Variants in MYO5A observed in about 807,000 individuals in gnomAD.
The protein encoded by MYO5A is unconventional myosin-Va.
MYO5A carries 98 observed loss-of-function variants against 249.7 expected under a neutral mutation model. The ratio of observed to expected loss-of-function variants is 0.39; its 90% CI spans 0.33 to 0.46. The LOEUF (loss-of-function observed/expected upper bound fraction) is 0.46, where lower values mean the gene tolerates loss of function less well. MYO5A is among the 20% of genes least tolerant of loss of function. The probability of loss-of-function intolerance (pLI) is 0.98; values close to 1 mark genes in which losing one functional copy is unlikely to be tolerated. For missense variants in MYO5A, 1,696 were observed against 2,308.8 expected (o/e 0.73, Z 5.44); for synonymous variants, 778 against 810.6 (o/e 0.96, Z 0.68).
At position 52,328,689 on chromosome 15, in the gene MYO5A, G is replaced by C. The variant is rs146436360; in HGVS notation, c.4556-683C>G. 2.0e-5 allele frequency among the ~76,000 whole-genome samples: 3 copies of C among 152,218 alleles called. No individual in the cohort carries two copies. In the East Asian group the frequency reaches 5.8e-4, roughly 29 times the overall value. ...ATGTTGGTCAGATCATGTCACTCTC[G>C]TTCTGAGAATCCTCCAAGCAGCTTC... On this transcript the variant is annotated intron_variant, in intron 35 of 41. Coordinates refer to ENST00000399233, the MANE Select transcript of MYO5A (RefSeq NM_001382347.1).
intron 6 of MYO5A, among the ~76,000 whole-genome samples, 168 bp from the exon 7 acceptor site, chr15:52,408,308 C>A (rs977992182): frequency 4.6e-5 from 7 of 152,074 alleles, no homozygotes; most frequent in Non-Finnish European, 1.0e-4. Flanking sequence ...GATTTATAGT[C>A]TATATGCATA....
chr15:52,492,108 A>G (rs1022493400), intron 1 of MYO5A, among the ~76,000 whole-genome samples: 7 of 152,282 alleles, frequency 4.6e-5, no homozygotes, highest in African/African-American at 1.2e-4. Context: ...AGGTGTCACA[A>G]TGGTTTTGTG....
At chr15:52,393,065 C>A (rs1230969540) in intron 11 of MYO5A, among the ~76,000 whole-genome samples, 3 of 152,146 alleles carry the variant, frequency 2.0e-5, no homozygotes, top group African/African-American at 7.2e-5. Context: ...GGGTGCTGCC[C>A]AGCCACTGCC....
At chr15:52,466,548 G>C (rs1049708483) in intron 1 of MYO5A, among the ~76,000 whole-genome samples, 27 of 152,236 alleles carry the variant, frequency 1.8e-4, no homozygotes, top group Admixed American at 5.2e-4. Context: ...TGGGGTGTAA[G>C]AGGGAAGCAG....
chr15:52,442,453 C>G (rs569701231), intron 1 of MYO5A, among the ~76,000 whole-genome samples: 1 of 152,154 alleles, frequency 6.6e-6, no homozygotes, highest in Non-Finnish European at 1.5e-5. Flanking sequence ...CTCACTGCAG[C>G]GTCACAGAAA....
intron 1 of MYO5A, among the ~76,000 whole-genome samples, chr15:52,528,212 T>C (rs1302003145): frequency 6.6e-6 from 1 of 152,198 alleles, no homozygotes; most frequent in Non-Finnish European, 1.5e-5. Context: ...CAGCTCGCGT[T>C]CATCCGGCAG....
In MYO5A at chr15:52,408,149, T is replaced by A. The variant is rs761990887; in HGVS notation, c.757-9A>T. On this transcript the variant is annotated splice_polypyrimidine_tract_variant and intron_variant, in intron 6 of 41. Coordinates refer to ENST00000399233, the MANE Select transcript of MYO5A (RefSeq NM_001382347.1). ...TTTCTCTCCTCTTCTGCCTTCGAAA[T>A]AAGAAGAGTTTTCAATTACAGCATT... 2 of 1,541,998 alleles carry A rather than the reference T, an allele frequency of 1.3e-6. No homozygotes were observed. Among genetic ancestry groups the A allele is most frequent in the Non-Finnish European group, 1.8e-6 (2 of 1,116,818 alleles).
chr15:52,400,813 CT>C (rs2042718273), intron 9 of MYO5A, among the ~76,000 whole-genome samples: 1 of 152,174 alleles, frequency 6.6e-6, no homozygotes, highest in Non-Finnish European at 1.5e-5. Context: ...GGTTTCTTGA[CT>C]GTAATGATAA....
In MYO5A at chr15:52,317,089, C is replaced by T; in HGVS notation, c.5368G>A (p.Glu1790Lys). 1.2e-6 allele frequency: 2 copies of T among 1,614,136 alleles called. No individual in the cohort carries two copies. The highest frequency in any genetic ancestry group is 2.2e-5 in the South Asian group (2 of 91,082). Residue 1790 changes from glutamate to lysine, a missense_variant, in exon 40 of 42, where the codon GAA becomes AAA. Coordinates refer to ENST00000399233, the MANE Select transcript of MYO5A (RefSeq NM_001382347.1). ...QVKKKTDDDA[E>K]AICSMCNALT... ...GCATTGCACATAGAACAAATGGCTT[C>T]TGCATCATCATCTGTTTTCTTTTTC... is the stretch of plus-strand genomic sequence containing the variant.
chr15:52,424,567 T>A (rs1276118205), intron 4 of MYO5A, among the ~76,000 whole-genome samples: 1 of 152,204 alleles, frequency 6.6e-6, no homozygotes, highest in Non-Finnish European at 1.5e-5. Context: ...AAGGGCATAA[T>A]GATTTCTAGG....
chr15:52,349,352 T>C (rs898677300), intron 28 of MYO5A, among the ~76,000 whole-genome samples: 1 of 152,104 alleles, frequency 6.6e-6, no homozygotes, highest in Non-Finnish European at 1.5e-5. Flanking sequence ...GACTAGAAAC[T>C]GAGTGAGACA....
At chr15:52,388,577 C>A (rs1669870) in intron 13 of MYO5A, among the ~76,000 whole-genome samples, 129,164 of 152,140 alleles carry the variant, frequency 0.85, 58,531 homozygotes, top group Non-Finnish European at 0.99. Flanking sequence ...CTAAAGGAGA[C>A]CCTGTGAAAC....
intron 1 of MYO5A, among the ~76,000 whole-genome samples, chr15:52,434,880 C>T (rs1337831499): frequency 6.6e-6 from 1 of 152,210 alleles, no homozygotes; most frequent in Non-Finnish European, 1.5e-5. Context: ...AGACTGAACC[C>T]GGTCTCTGGC....
rs375368045 is a variant in MYO5A at position 52,443,439 on chromosome 15, A to G, written c.28-10154T>C. 5.3e-5 allele frequency among the ~76,000 whole-genome samples: 8 copies of G among 152,274 alleles called. No homozygotes were observed. In the East Asian group the frequency reaches 1.4e-3, roughly 26 times the overall value. ...TTACCTTGCATATACTGTGAAATGT[A>G]CCTGGTTTAAAAGTAAATCACGCTT... is the stretch of plus-strand genomic sequence containing the variant. On this transcript the variant is annotated intron_variant, in intron 1 of 41. Coordinates refer to ENST00000399233, the MANE Select transcript of MYO5A (RefSeq NM_001382347.1).
chr15:52,458,201 G>C (rs1373876264), intron 1 of MYO5A, among the ~76,000 whole-genome samples: 1 of 152,148 alleles, frequency 6.6e-6, no homozygotes, highest in Non-Finnish European at 1.5e-5. Context: ...ACAATAATAG[G>C]GTGACTATAG....
chr15:52,387,580 G>A (rs571697247), intron 14 of MYO5A, among the ~76,000 whole-genome samples: 8 of 152,088 alleles, frequency 5.3e-5, no homozygotes, highest in Non-Finnish European at 1.0e-4. Context: ...TTGAAAACTC[G>A]GTAGCCATGA....
chr15:52,371,777 G>C (rs1205581581), intron 21 of MYO5A, among the ~76,000 whole-genome samples: 1 of 151,872 alleles, frequency 6.6e-6, no homozygotes, highest in Non-Finnish European at 1.5e-5. Flanking sequence ...GGCTGTGGTG[G>C]GAAGATCACT....
chr15:52,344,613 T>C (rs926537670), intron 30 of MYO5A, among the ~76,000 whole-genome samples: 1 of 152,260 alleles, frequency 6.6e-6, no homozygotes, highest in Non-Finnish European at 1.5e-5. Context: ...GAATACTCTC[T>C]GGCCTTTATG....
rs763918021 is a variant in MYO5A, at chr15:52,370,392, T to A, written c.2843A>T (p.Glu948Val). 6.2e-7 allele frequency: 1 copy of A among 1,613,014 alleles called. No homozygotes were observed. Among genetic ancestry groups the A allele is most frequent in the South Asian group, 1.1e-5 (1 of 91,056 alleles). The change falls in exon 22 of 42, where the codon GAG becomes GTG. Residue 948 changes from glutamate to valine, a missense_variant. Glu to Val is a moderately radical substitution (Grantham distance 121, BLOSUM62 -2). This residue lies in a region of MYO5A where 412 missense variants were observed against 453.3 expected (regional missense o/e 0.91). Transcript: ENST00000399233. ...TATTCCTTCCAGATTGGTTAGTTTCTCCACAAGGCATTTGTAGTCTTTGTT... is the reference window on the plus strand; with the variant it reads ...TATTCCTTCCAGATTGGTTAGTTTCACCACAAGGCATTTGTAGTCTTTGTT... Reference protein sequence around the residue: ...EQNKDYKCLVEKLTNLEGIYN... With the variant: ...EQNKDYKCLVVKLTNLEGIYN...
Sources: gnomAD v4.1 joint callset for allele counts (sites outside exome capture counted in the v4.1 genomes callset) on GRCh38, gnomAD v4.1.1 for gene constraint, gnomAD v4.1.1 regional missense constraint, MANE v1.5 for transcripts, NCBI Gene and HGNC (gene_info 2026-07-23, HGNC 2026-07-21) for gene names.